The following FER1L6 variants were observed in gnomAD, a reference collection of about 807,000 sequenced individuals.
FER1L6 encodes fer-1-like protein 6.
In FER1L6, 177 loss-of-function variants were observed where a neutral mutation model predicts 219.2. That is an observed-to-expected ratio of 0.81 (90% CI 0.71 to 0.91). The LOEUF is 0.91. Among genes scored for constraint, FER1L6 ranks in the 40% least tolerant of loss-of-function variants. The probability of loss-of-function intolerance (pLI) is 0.00; values close to 1 mark genes in which losing one functional copy is unlikely to be tolerated. For missense variants in FER1L6, 2,153 were observed against 2,259.9 expected, an observed-to-expected ratio of 0.95 and a Z score of 0.96; for synonymous variants, 768 against 824.3, an observed-to-expected ratio of 0.93 and a Z score of 1.17.
At chr8:123,947,113 C>A (rs1015772237) in intron 1 of FER1L6, among the ~76,000 whole-genome samples, 1 of 151,960 alleles carries the variant, frequency 6.6e-6, no homozygotes, top group South Asian at 2.1e-4. Flanking sequence ...ATTGAAACCC[C>A]GTCTCTACTA....
chr8:123,977,567 A>G lies in FER1L6; in HGVS notation c.1021A>G (p.Ile341Val). The change falls in exon 10 of 41, where the codon ATT (isoleucine) becomes GTT (valine). Residue 341 changes from isoleucine (I) to valine (V), a missense_variant. By Grantham distance (29) the Ile-to-Val change is conservative. Transcript: ENST00000522917. ...TGACGTAGCCCTGGCAACCCATTTC[A>G]TTGACCTGAAGAAAATCTCCAACGA... ...MNDVALATHF[I>V]DLKKISNEQD... 6.2e-7 allele frequency: 1 copy of G among 1,614,110 alleles called. No individual in the cohort carries two copies. The highest frequency in any genetic ancestry group is 1.6e-4 in the Middle Eastern group (1 of 6,062).
At chr8:124,077,142 T>G (rs1821328440) in intron 32 of FER1L6, among the ~76,000 whole-genome samples, 1 of 152,182 alleles carries the variant, frequency 6.6e-6, no homozygotes, top group Non-Finnish European at 1.5e-5. Context: ...GCAGATGGCT[T>G]AACCTCTCTG....
At chr8:124,087,170 A>ATCTC (rs376606273) in intron 33 of FER1L6, among the ~76,000 whole-genome samples, 12 of 149,034 alleles carry the variant, frequency 8.1e-5, no homozygotes, top group African/African-American at 1.2e-4. Context: ...TTCTACTCTG[A>ATCTC]TCTCTCTCTC....
chr8:124,039,797 T>G (rs1819395612), intron 19 of FER1L6, 85 bp from the exon 20 acceptor site: 1 of 1,549,384 alleles, frequency 6.5e-7, no homozygotes, highest in Non-Finnish European at 8.9e-7. Flanking sequence ...GATACATAGA[T>G]GGACATCACA....
intron 12 of FER1L6, among the ~76,000 whole-genome samples, chr8:123,998,801 T>G (rs1473826795): frequency 6.6e-6 from 1 of 152,156 alleles, no homozygotes; most frequent in Non-Finnish European, 1.5e-5. Flanking sequence ...CTCTTCTCTC[T>G]CCTTTTCTCA....
In FER1L6 at chr8:124,089,122, C is replaced by T. The variant is rs1224232015; in HGVS notation, c.4392-2301C>T. Among the ~76,000 whole-genome samples, 3 of 152,186 alleles carry T rather than the reference C, an allele frequency of 2.0e-5. No individual in the cohort carries two copies. In the South Asian group the frequency reaches 6.2e-4, roughly 32 times the overall value. On this transcript the variant is annotated intron_variant, in intron 33 of 40. Coordinates refer to ENST00000522917, the MANE Select transcript of FER1L6 (RefSeq NM_001039112.2). The stretch of plus-strand genomic sequence containing the variant: ...CTGTCTTTCATGTTTATTTAGGACC[C>T]CAGAGTGCTTTAGCCTGCGGTGGCG...
At chr8:124,044,683 G>A (rs1283182784) in intron 20 of FER1L6, among the ~76,000 whole-genome samples, 2 of 152,238 alleles carry the variant, frequency 1.3e-5, no homozygotes, top group African/African-American at 4.8e-5. Flanking sequence ...AGAAAGAAAT[G>A]TGGTTTTGAA....
Position 124,101,067 on chromosome 8 carries a change from G to A in FER1L6, c.4884-30G>A, listed in dbSNP as rs377665884. 4.5e-5 allele frequency: 72 copies of A among 1,606,838 alleles called. 1 individual carries two copies. In the African/African-American group the frequency reaches 8.3e-4, roughly 19 times the overall value. On this transcript the variant is annotated intron_variant, in intron 37 of 40. Coordinates refer to ENST00000522917, the MANE Select transcript of FER1L6 (RefSeq NM_001039112.2). The stretch of plus-strand genomic sequence containing the variant: ...CTGATGCCTGGAGAATGTACTCTGA[G>A]TGTTTAAATTATTTTGAATCTATTT...
At chr8:123,891,224 G>A (rs549573768) in intron 1 of FER1L6, among the ~76,000 whole-genome samples, 19 of 152,250 alleles carry the variant, frequency 1.2e-4, no homozygotes, top group African/African-American at 3.9e-4. Flanking sequence ...TTTTAGTGAC[G>A]AAAGTTACTT....
intron 33 of FER1L6, among the ~76,000 whole-genome samples, chr8:124,084,214 G>A (rs1821695924): frequency 6.6e-6 from 1 of 151,242 alleles, no homozygotes; most frequent in Non-Finnish European, 1.5e-5. Flanking sequence ...TACCCACAAG[G>A]GTAACTTCTT....
At chr8:124,030,996 G>A (rs1267338198) in intron 18 of FER1L6, among the ~76,000 whole-genome samples, 3 of 152,118 alleles carry the variant, frequency 2.0e-5, no homozygotes, top group Non-Finnish European at 4.4e-5. Context: ...GATGATCACA[G>A]CTTTTTGATG....
Position 124,010,643 on chromosome 8 carries a change from A to T in FER1L6, c.1750A>T (p.Ile584Phe), listed in dbSNP as rs776547931. The change falls in exon 14 of 41, where the codon ATC (isoleucine) becomes TTC (phenylalanine). Residue 584 changes from isoleucine (I) to phenylalanine (F), a missense_variant. Coordinates refer to ENST00000522917, the MANE Select transcript of FER1L6 (RefSeq NM_001039112.2). ...GGCTAAGAAGCCCTGTGTCTATTTC[A>T]TCAGCTCTTGGGGAGACCAGACCTT... ...FEAKKPCVYFISSWGDQTFRL... is the reference protein window; with the variant it reads ...FEAKKPCVYFFSSWGDQTFRL... 6.2e-6 allele frequency: 10 copies of T among 1,613,960 alleles called. No individual in the cohort carries two copies. The South Asian group carries it at 9.9e-5, about 16-fold the overall frequency.
At chr8:123,902,910 T>A (rs1462100652) in intron 1 of FER1L6, among the ~76,000 whole-genome samples, 1 of 152,202 alleles carries the variant, frequency 6.6e-6, no homozygotes, top group Non-Finnish European at 1.5e-5. Flanking sequence ...GTGTGATTTA[T>A]GCTTTAAAGA....
intron 13 of FER1L6, among the ~76,000 whole-genome samples, chr8:124,007,639 A>G (rs1200725819): frequency 3.3e-5 from 5 of 152,314 alleles, no homozygotes; most frequent in Non-Finnish European, 4.4e-5. Context: ...CCATCTTTAA[A>G]TATTCCTTCT....
chr8:124,036,491 A>C (rs1374710226), intron 19 of FER1L6, among the ~76,000 whole-genome samples: 3 of 152,214 alleles, frequency 2.0e-5, no homozygotes, highest in Non-Finnish European at 4.4e-5. Flanking sequence ...AGATGAAGAA[A>C]ATTATGTAGC....
intron 1 of FER1L6, among the ~76,000 whole-genome samples, chr8:123,898,806 C>CAT (rs1267245516): frequency 2.4e-4 from 18 of 76,160 alleles, no homozygotes; most frequent in South Asian, 4.3e-4. Context: ...CATATATACA[C>CAT]ATATATATAC....
chr8:124,097,264 T>A lies in FER1L6; in HGVS notation c.4696-7T>A. 1 of 1,611,968 alleles carries A rather than the reference T, an allele frequency of 6.2e-7. No homozygotes were observed. Among genetic ancestry groups the A allele is most frequent in the Non-Finnish European group, 8.5e-7 (1 of 1,178,566 alleles). ...AAGCTAAAGAAGATATTTTTTTTCT[T>A]AACAAGGGCCGCCTGCAGATGTGGG... is the stretch of plus-strand genomic sequence containing the variant. On this transcript the variant is annotated splice_polypyrimidine_tract_variant and splice_region_variant and intron_variant, in intron 35 of 40. Coordinates refer to ENST00000522917, the MANE Select transcript of FER1L6 (RefSeq NM_001039112.2).
Position 124,010,632 on chromosome 8 carries a change from G to A in FER1L6, c.1739G>A (p.Cys580Tyr), listed in dbSNP as rs553591327. 8.9e-5 allele frequency: 143 copies of A among 1,614,106 alleles called. 2 individuals carry two copies. The South Asian group carries it at 1.3e-3, about 15-fold the overall frequency. The change falls in exon 14 of 41, where the codon TGT becomes TAT. Residue 580 changes from cysteine to tyrosine, a missense_variant. Physicochemically the swap from Cys to Tyr is radical, Grantham distance 194 (BLOSUM62 -2). Coordinates refer to ENST00000522917, the MANE Select transcript of FER1L6 (RefSeq NM_001039112.2). The stretch of plus-strand genomic sequence containing the variant: ...TTGCCATTTGAGGCTAAGAAGCCCT[G>A]TGTCTATTTCATCAGCTCTTGGGGA... Reference protein sequence around the residue: ...NYLPFEAKKPCVYFISSWGDQ... With the variant: ...NYLPFEAKKPYVYFISSWGDQ...
chr8:124,059,066 C>T (rs1187357483), intron 22 of FER1L6: 1 of 152,162 alleles, frequency 6.6e-6, no homozygotes, highest in Non-Finnish European at 1.5e-5. Flanking sequence ...ACTAATATGT[C>T]AGTCAACCGG....
Sources: allele counts gnomAD v4.1 joint callset (sites outside exome capture counted in the v4.1 genomes callset), GRCh38; gene constraint gnomAD v4.1.1; transcripts MANE v1.5; gene names NCBI Gene and HGNC (gene_info 2026-07-23, HGNC 2026-07-21).